Variants in DLG2 observed in about 807,000 individuals in gnomAD.
The protein encoded by DLG2 is disks large homolog 2.
Under a neutral mutation model 132.5 loss-of-function variants are expected in DLG2, and 45 were observed. That is an observed-to-expected ratio of 0.34 (90% CI 0.27 to 0.44). DLG2 has a LOEUF of 0.44. Ranked by LOEUF, DLG2 falls within the 20% of genes least tolerant of loss-of-function variation. DLG2 has a pLI of 1.00. For synonymous variants in DLG2, 424 were observed against 419.6 expected (o/e 1.01, Z -0.13); for missense variants, 1,045 against 1,196.9 (o/e 0.87, Z 1.87).
At chr11:85,522,586 G>A (rs1055815173) in intron 3 of DLG2, among the ~76,000 whole-genome samples, 2 of 152,192 alleles carry the variant, frequency 1.3e-5, no homozygotes, top group Admixed American at 6.5e-5. Flanking sequence ...AGCAGCTAGG[G>A]CAGGAGGCTG....
At chr11:83,581,443 G>T (rs2096974538) in intron 19 of DLG2, among the ~76,000 whole-genome samples, 1 of 151,830 alleles carries the variant, frequency 6.6e-6, no homozygotes, top group African/African-American at 2.4e-5. Context: ...TTATGTTAAA[G>T]AATTACCCTA....
intron 2 of DLG2, among the ~76,000 whole-genome samples, chr11:85,603,935 AC>A (rs2080343540): frequency 6.6e-6 from 1 of 152,134 alleles, no homozygotes. Context: ...TAAGTAAAAT[AC>A]CCTGTCTCTA....
chr11:85,604,244 C>G (rs1025271853), intron 2 of DLG2, among the ~76,000 whole-genome samples: 2 of 152,154 alleles, frequency 1.3e-5, no homozygotes, highest in African/African-American at 4.8e-5. Flanking sequence ...CTTTCACACA[C>G]CAGCATCTAG....
chr11:83,506,905 T>G (rs2094731304), intron 21 of DLG2, among the ~76,000 whole-genome samples: 1 of 152,120 alleles, frequency 6.6e-6, no homozygotes, highest in Admixed American at 6.6e-5. Flanking sequence ...TTTGTGCCTG[T>G]TTTTCCACAA....
intron 3 of DLG2, among the ~76,000 whole-genome samples, chr11:85,513,152 G>C (rs888012830): frequency 1.3e-5 from 2 of 151,870 alleles, no homozygotes; most frequent in African/African-American, 4.8e-5. Context: ...GAGTGTACAT[G>C]GCCAAAAAGA....
At chr11:83,666,557 C>T (rs2075617461) in intron 18 of DLG2, among the ~76,000 whole-genome samples, 1 of 152,178 alleles carries the variant, frequency 6.6e-6, no homozygotes, top group South Asian at 2.1e-4. Context: ...CTTACCCACC[C>T]CATCCGTGGA....
intron 19 of DLG2, among the ~76,000 whole-genome samples, chr11:83,598,968 C>T (rs1298431855): frequency 1.3e-5 from 2 of 152,130 alleles, no homozygotes; most frequent in African/African-American, 4.8e-5. Context: ...TTCATCTGCC[C>T]CATATTCTCC....
intron 6 of DLG2, among the ~76,000 whole-genome samples, chr11:84,548,038 A>G (rs2099393808): frequency 6.6e-6 from 1 of 152,226 alleles, no homozygotes; most frequent in Admixed American, 6.5e-5. Flanking sequence ...CACAGGTAAT[A>G]AAGTGAGTTC....
intron 6 of DLG2, among the ~76,000 whole-genome samples, chr11:85,049,002 C>A (rs970498411): frequency 2.0e-5 from 3 of 152,106 alleles, no homozygotes. Context: ...TAACCCTATA[C>A]CTCCATGATA....
intron 7 of DLG2, among the ~76,000 whole-genome samples, chr11:84,531,409 C>A (rs1374269933): frequency 1.3e-5 from 2 of 152,174 alleles, no homozygotes; most frequent in Non-Finnish European, 2.9e-5. Context: ...ATAATCTGCA[C>A]ACCAAACCTC....
At chr11:84,496,609 A>T (rs997429644) in intron 7 of DLG2, among the ~76,000 whole-genome samples, 8 of 152,176 alleles carry the variant, frequency 5.3e-5, no homozygotes, top group Non-Finnish European at 2.9e-5. Flanking sequence ...CATTATTGTA[A>T]TATAAGGAGA....
intron 7 of DLG2, among the ~76,000 whole-genome samples, chr11:84,502,239 C>CT (rs1451662229): frequency 1.4e-4 from 4 of 29,292 alleles, no homozygotes; most frequent in Admixed American, 4.9e-4. Flanking sequence ...TCCTTCCTTC[C>CT]TTCCTTCCTT....
rs143583001 is a variant in DLG2, at chr11:85,088,993, C to T, written c.357+22668G>A. ...AATATAGTAGACAATCACAAGAAAA[C>T]CTAAAAATATCTCCTCTTTTATGCT... On this transcript the variant is annotated intron_variant, in intron 6 of 27. Coordinates refer to ENST00000376104, the MANE Select transcript of DLG2 (RefSeq NM_001142699.3). Among the ~76,000 whole-genome samples the T allele has an allele frequency of 9.2e-4, 140 of 152,208 alleles. 1 individual carries two copies. The highest frequency in any genetic ancestry group is 2.9e-3 in the African/African-American group (121 of 41,538).
chr11:83,908,263 G>A lies in DLG2; in HGVS notation c.1496+22065C>T, dbSNP rs190199572. 2.6e-5 allele frequency among the ~76,000 whole-genome samples: 4 copies of A among 152,166 alleles called. No homozygotes were observed. The East Asian group carries it at 5.8e-4, about 22-fold the overall frequency. ...GTATGAATAAGTGAATGAGTTCATA[G>A]ATGCCTTCTCATCTCTATTCCTTTA... On this transcript the variant is annotated intron_variant, in intron 15 of 27. Coordinates refer to ENST00000376104, the MANE Select transcript of DLG2 (RefSeq NM_001142699.3).
At chr11:85,572,511 G>A (rs1446153686) in intron 3 of DLG2, among the ~76,000 whole-genome samples, 7 of 152,046 alleles carry the variant, frequency 4.6e-5, no homozygotes, top group African/African-American at 1.7e-4. Context: ...CCTTGTCACA[G>A]TTTGTTTTAT....
intron 18 of DLG2, among the ~76,000 whole-genome samples, chr11:83,779,851 AG>A (rs2094737522): frequency 6.6e-6 from 1 of 152,204 alleles, no homozygotes; most frequent in African/African-American, 2.4e-5. Context: ...AAAAATGCAA[AG>A]AAAAGATGTA....
chr11:84,791,632 C>T (rs2073861806), intron 6 of DLG2, among the ~76,000 whole-genome samples: 1 of 152,014 alleles, frequency 6.6e-6, no homozygotes, highest in South Asian at 2.1e-4. Context: ...GTGTTTTATA[C>T]TTTTCATTGT....
At position 85,456,769 on chromosome 11, in the gene DLG2, T is replaced by C. The variant is rs140609647; in HGVS notation, c.40+141888A>G. 7.2e-5 allele frequency among the ~76,000 whole-genome samples: 11 copies of C among 152,318 alleles called. 1 individual carries two copies. In the East Asian group the frequency reaches 2.1e-3, roughly 29 times the overall value. ...AGGTTGTTTCATTTCCATGTAATTTTACGGTTTTGAGCAATTTTCTTGGTA... is the reference window on the plus strand; with the variant it reads ...AGGTTGTTTCATTTCCATGTAATTTCACGGTTTTGAGCAATTTTCTTGGTA... On this transcript the variant is annotated intron_variant, in intron 3 of 27. Transcript: ENST00000376104.
intron 6 of DLG2, among the ~76,000 whole-genome samples, chr11:84,551,124 G>A (rs866098628): frequency 1.3e-5 from 2 of 152,170 alleles, no homozygotes; most frequent in African/African-American, 4.8e-5. Flanking sequence ...CAGAAAGTGT[G>A]GCCCTATTAC....
Sources: allele counts gnomAD v4.1 joint callset (sites outside exome capture counted in the v4.1 genomes callset), GRCh38; gene constraint gnomAD v4.1.1; transcripts MANE v1.5; gene names NCBI Gene and HGNC (gene_info 2026-07-23, HGNC 2026-07-21).